Variants in LMF1 observed in about 807,000 individuals in gnomAD.
LMF1 encodes the protein lipase maturation factor 1.
LMF1 carries 68 observed loss-of-function variants against 60.6 expected under a neutral mutation model. That is an observed-to-expected ratio of 1.12 (90% CI 0.92 to 1.37). The LOEUF is 1.37. Ranked by LOEUF, LMF1 falls within the 40% of genes most tolerant of loss-of-function variation. The probability of loss-of-function intolerance (pLI) is 0.00; values close to 1 mark genes in which losing one functional copy is unlikely to be tolerated. For synonymous variants in LMF1, 418 were observed against 324.7 expected (o/e 1.29, Z -3.09); for missense variants, 948 against 767.2 (o/e 1.24, Z -2.78).
rs548713025 is a variant in LMF1 at position 891,137 on chromosome 16, G to A, written c.729+1870C>T. Among the ~76,000 whole-genome samples the A allele has an allele frequency of 2.4e-4, 36 of 152,332 alleles. No individual in the cohort carries two copies. In the East Asian group the frequency reaches 6.2e-3, roughly 26 times the overall value. On this transcript the variant is annotated intron_variant, in intron 5 of 10. Transcript: ENST00000262301. ...TCCCAGCTGGCCACGTGGACACAGGGGAAGGCAGTGCTGACAGGCAGCTGT... is the reference window on the plus strand; with the variant it reads ...TCCCAGCTGGCCACGTGGACACAGGAGAAGGCAGTGCTGACAGGCAGCTGT...
chr16:955,470 T>C (rs375132689), intron 1 of LMF1, among the ~76,000 whole-genome samples: 6,185 of 47,202 alleles, frequency 0.13, 273 homozygotes, highest in African/African-American at 0.24. Flanking sequence ...GGTGTGTGCA[T>C]ACACACACAC....
chr16:908,059 G>C (rs554853328), intron 4 of LMF1, among the ~76,000 whole-genome samples: 2 of 152,084 alleles, frequency 1.3e-5, no homozygotes, highest in South Asian at 4.1e-4. Context: ...CCAGGGCTTC[G>C]GCCTGACAGC....
At chr16:919,488 TGCCGGCAGCACCAGG>T (rs1567238916) in intron 3 of LMF1, among the ~76,000 whole-genome samples, 12 of 73,570 alleles carry the variant, frequency 1.6e-4, no homozygotes. Flanking sequence ...AGGACAGCAG[TGCCGGCAGCACCAGG>T]GCACAGGCCC....
intron 10 of LMF1, among the ~76,000 whole-genome samples, chr16:859,506 C>T (rs1221536766): frequency 3.6e-4 from 14 of 39,288 alleles, no homozygotes; most frequent in African/African-American, 1.5e-3. Flanking sequence ...GACGGGTGTG[C>T]AGTGTTGTCA....
intron 8 of LMF1, among the ~76,000 whole-genome samples, chr16:870,270 G>A (rs971439315): frequency 6.6e-6 from 1 of 152,200 alleles, no homozygotes; most frequent in South Asian, 2.1e-4. Context: ...GGTCTCATTC[G>A]AGAACACCTT....
Position 871,277 on chromosome 16 carries a change from G to C in LMF1, c.962C>G (p.Ala321Gly). The change falls in exon 7 of 11, where the codon GCC (alanine) becomes GGC (glycine). Residue 321 changes from alanine to glycine, a missense_variant. Physicochemically the swap from Ala to Gly is moderately conservative, Grantham distance 60 (BLOSUM62 0). Transcript: ENST00000262301. The part of the protein sequence containing the change: ...LNWLTMVPSL[A>G]CFDDATLGFL... ...TCCCAGGGTGGCGTCATCAAAGCAG[G>C]CCAGGCTGGGCACCATAGTCAGCCA... 1.1e-5 allele frequency: 17 copies of C among 1,612,568 alleles called. No homozygotes were observed. The highest frequency in any genetic ancestry group is 1.4e-5 in the Non-Finnish European group (17 of 1,179,814).
chr16:878,370 G>A lies in LMF1; in HGVS notation c.897+1200C>T, dbSNP rs1746993801. Among the ~76,000 whole-genome samples, 1 of 152,180 alleles carries A rather than the reference G, an allele frequency of 6.6e-6. No individual in the cohort carries two copies. The highest frequency in any genetic ancestry group is 1.5e-5 in the Non-Finnish European group (1 of 68,042). On this transcript the variant is annotated intron_variant, in intron 6 of 10. Coordinates refer to ENST00000262301, the MANE Select transcript of LMF1 (RefSeq NM_022773.4). The surrounding 1 kb of genome is among the most constrained non-coding windows in gnomAD (Gnocchi z 5.2). ...GCCCGAGGGAGTCAGGAGCTGCTCA[G>A]GGCCCCGGCGGCCAGAGTGAGGGTC...
intron 1 of LMF1, among the ~76,000 whole-genome samples, chr16:977,509 C>T (rs1364611246): frequency 6.6e-6 from 1 of 152,214 alleles, no homozygotes; most frequent in Non-Finnish European, 1.5e-5. Flanking sequence ...CGTGCCAGGA[C>T]GCTGCCAACT....
chr16:902,927 G>A (rs74679393), intron 4 of LMF1, among the ~76,000 whole-genome samples: 1 of 79,128 alleles, frequency 1.3e-5, no homozygotes, highest in Non-Finnish European at 2.2e-5. Context: ...CAGGATGCCT[G>A]TCTCTGCTGT....
intron 3 of LMF1, chr16:933,938 G>T (rs1451057850): frequency 2.2e-6 from 3 of 1,385,676 alleles, no homozygotes; most frequent in African/African-American, 1.4e-5. Context: ...GTCCACGGGG[G>T]ATGGGCCTGT....
intron 1 of LMF1, among the ~76,000 whole-genome samples, chr16:959,547 G>A (rs947974312): frequency 6.6e-6 from 1 of 152,188 alleles, no homozygotes; most frequent in Non-Finnish European, 1.5e-5. Context: ...ACCCGACCAG[G>A]AGGTTGGGGG....
chr16:869,272 G>A (rs1406746273), intron 9 of LMF1: 8 of 668,854 alleles, frequency 1.2e-5, no homozygotes, highest in Middle Eastern at 3.4e-4. Context: ...CGCTGGCTTC[G>A]CTCCCCTGGC....
intron 6 of LMF1, among the ~76,000 whole-genome samples, chr16:876,930 G>C (rs976579958): frequency 2.0e-5 from 3 of 152,200 alleles, no homozygotes; most frequent in African/African-American, 7.2e-5. Flanking sequence ...GTGGAAATAC[G>C]TCCAAATATG....
At chr16:945,792 G>A (rs1453070413) in intron 2 of LMF1, among the ~76,000 whole-genome samples, 1 of 152,122 alleles carries the variant, frequency 6.6e-6, no homozygotes, top group Non-Finnish European at 1.5e-5. Context: ...GTGGCTTCAA[G>A]GAATCCACTC....
chr16:946,849 G>C (rs72769406), intron 2 of LMF1, among the ~76,000 whole-genome samples: 2 of 152,170 alleles, frequency 1.3e-5, no homozygotes, highest in Non-Finnish European at 2.9e-5. Flanking sequence ...CCAAGCAGGG[G>C]CTCAGCAAGT....
chr16:976,831 C>T (rs761359204), intron 1 of LMF1: 199 of 454,042 alleles, frequency 4.4e-4, no homozygotes, highest in Non-Finnish European at 6.5e-4. Context: ...ATCGCCTGCT[C>T]CCTGAATCCT....
chr16:979,017 G>A (rs1453044989), intron 1 of LMF1: 1 of 454,028 alleles, frequency 2.2e-6, no homozygotes, highest in Non-Finnish European at 4.4e-6. Flanking sequence ...AGGTGCTTTT[G>A]GAGTTACCTG....
chr16:976,176 C>CCT (rs777114554), intron 1 of LMF1: 26 of 452,942 alleles, frequency 5.7e-5, no homozygotes, highest in Non-Finnish European at 1.1e-4. Context: ...CCTCAGCCCC[C>CCT]CAGTGCCTGG....
chr16:912,931 G>A (rs1034830780), intron 3 of LMF1, among the ~76,000 whole-genome samples: 1 of 152,212 alleles, frequency 6.6e-6, no homozygotes, highest in Admixed American at 6.5e-5. Flanking sequence ...CAAGGTCAGG[G>A]CCAGGGCTCT....
Sources: allele counts gnomAD v4.1 joint callset (sites outside exome capture counted in the v4.1 genomes callset), GRCh38; gene constraint gnomAD v4.1.1; non-coding constraint Gnocchi (gnomAD v3.1); transcripts MANE v1.5; gene names NCBI Gene and HGNC (gene_info 2026-07-23, HGNC 2026-07-21).